Variants in ARHGAP28 observed in about 807,000 individuals in gnomAD.
ARHGAP28 encodes the protein rho GTPase-activating protein 28.
In ARHGAP28, 56 loss-of-function variants were observed where a neutral mutation model predicts 90.7. The ratio of observed to expected loss-of-function variants is 0.62; its 90% CI spans 0.50 to 0.77. The LOEUF is 0.77. ARHGAP28 is among the 30% of genes least tolerant of loss of function. The pLI, the probability that ARHGAP28 is intolerant of heterozygous loss-of-function variation, is 0.00. For missense variants in ARHGAP28, 869 were observed against 900.9 expected (o/e 0.96, Z 0.45); for synonymous variants, 308 against 323.3 (o/e 0.95, Z 0.51).
At chr18:6,850,967 G>A (rs1567970030) in intron 3 of ARHGAP28, 67 bp from the exon 4 acceptor site, 2 of 1,592,126 alleles carry the variant, frequency 1.3e-6, no homozygotes, top group Non-Finnish European at 1.7e-6. Context: ...TGTAATGCAT[G>A]TGTGAATACG....
At chr18:6,756,986 C>G (rs1436368437) in intron 1 of ARHGAP28, among the ~76,000 whole-genome samples, 1 of 152,122 alleles carries the variant, frequency 6.6e-6, no homozygotes, top group Non-Finnish European at 1.5e-5. Flanking sequence ...TCCACTGACT[C>G]AAATCTTAAT....
intron 1 of ARHGAP28, among the ~76,000 whole-genome samples, chr18:6,807,571 A>G (rs1026346716): frequency 2.0e-5 from 3 of 152,184 alleles, no homozygotes; most frequent in African/African-American, 7.2e-5. Flanking sequence ...TCTTCTGAAT[A>G]CTCTATCCAT....
chr18:6,809,769 G>C (rs1236646213), intron 1 of ARHGAP28, among the ~76,000 whole-genome samples: 1 of 152,148 alleles, frequency 6.6e-6, no homozygotes, highest in African/African-American at 2.4e-5. Flanking sequence ...CAACATTGGG[G>C]ATTACAATCC....
At position 6,773,862 on chromosome 18, in the gene ARHGAP28, T is replaced by A. The variant is rs938904923; in HGVS notation, c.122+43919T>A. 5.3e-5 allele frequency: 8 copies of A among 152,310 alleles called. 2 individuals carry two copies. The highest frequency in any genetic ancestry group is 1.9e-4 in the East Asian group (1 of 5,176). 9.4% of individuals were successfully genotyped at this position (152,310 alleles called of 1,614,324 possible). A position where few individuals can be genotyped will look rare whatever the true frequency, so the allele number is the denominator to read the frequency against. ...CACACTGCTTGGGTTTCTATTAATC[T>A]CAGCCTTCTTGAGGCTGATTACACT... On this transcript the variant is annotated intron_variant, in intron 1 of 17. Coordinates refer to ENST00000383472, the MANE Select transcript of ARHGAP28 (RefSeq NM_001366230.1).
At chr18:6,735,221 G>T (rs1255331540) in intron 1 of ARHGAP28, among the ~76,000 whole-genome samples, 1 of 152,294 alleles carries the variant, frequency 6.6e-6, no homozygotes, top group Middle Eastern at 3.4e-3. Flanking sequence ...CTGCTTCTGC[G>T]TAACCTTTAC....
intron 5 of ARHGAP28, 49 bp from the exon 6 acceptor site, chr18:6,868,101 A>T: frequency 6.9e-7 from 1 of 1,443,308 alleles, no homozygotes; most frequent in Non-Finnish European, 9.8e-7. Flanking sequence ...TGTGAGGTGG[A>T]CTGTATTTAT....
At chr18:6,853,267 A>G (rs1476455835) in intron 4 of ARHGAP28, among the ~76,000 whole-genome samples, 1 of 152,114 alleles carries the variant, frequency 6.6e-6, no homozygotes, top group Non-Finnish European at 1.5e-5. Context: ...TCAGGCCACG[A>G]TGGAAGAGGG....
chr18:6,799,287 G>A lies in ARHGAP28; in HGVS notation c.123-25475G>A, dbSNP rs147257814. Among the ~76,000 whole-genome samples, 1,153 of 151,548 alleles carry A rather than the reference G, an allele frequency of 7.6e-3. 10 individuals are homozygous for A. The highest frequency in any genetic ancestry group is 0.014 in the Non-Finnish European group (924 of 67,928). ...CCATGCTCTTAGATAGGAAGAATCA[G>A]TATTGTGAAAATGGCCATACTACCC... On this transcript the variant is annotated intron_variant, in intron 1 of 17. Coordinates refer to ENST00000383472, the MANE Select transcript of ARHGAP28 (RefSeq NM_001366230.1).
At chr18:6,845,024 C>T (rs1040172914) in intron 3 of ARHGAP28, among the ~76,000 whole-genome samples, 1 of 152,162 alleles carries the variant, frequency 6.6e-6, no homozygotes, top group Admixed American at 6.5e-5. Flanking sequence ...AGCTACCCTC[C>T]ATGTATCCTT....
intron 1 of ARHGAP28, among the ~76,000 whole-genome samples, chr18:6,821,287 A>G (rs867453421): frequency 1.3e-5 from 2 of 152,232 alleles, no homozygotes; most frequent in Non-Finnish European, 2.9e-5. Flanking sequence ...GCCACTTTGA[A>G]TTTATGATAA....
At chr18:6,909,075 A>G in intron 17 of ARHGAP28, 51 bp downstream of exon 17, 1 of 1,020,270 alleles carries the variant, frequency 9.8e-7, no homozygotes, top group African/African-American at 1.6e-5. Flanking sequence ...TTACTCTAAA[A>G]GAAATATGTT....
chr18:6,828,395 G>A (rs1240232618), intron 2 of ARHGAP28, among the ~76,000 whole-genome samples: 2 of 149,554 alleles, frequency 1.3e-5, no homozygotes, highest in African/African-American at 2.6e-5. Flanking sequence ...GAGGAGAGAG[G>A]AGAGAGGAGA....
intron 1 of ARHGAP28, among the ~76,000 whole-genome samples, chr18:6,792,689 G>T (rs1267187689): frequency 6.6e-6 from 1 of 152,150 alleles, no homozygotes; most frequent in Non-Finnish European, 1.5e-5. Context: ...GCAAGAAATC[G>T]GGGAAAATAA....
At chr18:6,734,428 G>T (rs2143122772) in intron 1 of ARHGAP28, among the ~76,000 whole-genome samples, 1 of 152,022 alleles carries the variant, frequency 6.6e-6, no homozygotes, top group East Asian at 1.9e-4. Flanking sequence ...AATAGAGGAG[G>T]GAAACAGCCA....
Position 6,776,098 on chromosome 18 carries a change from C to G in ARHGAP28, c.122+46155C>G, listed in dbSNP as rs111489535. On this transcript the variant is annotated intron_variant, in intron 1 of 17. Coordinates refer to ENST00000383472, the MANE Select transcript of ARHGAP28 (RefSeq NM_001366230.1). ...ACACAGTAATACAAGGTTCTAAAGA[C>G]GAGTTTCTGGCTGAAATTTTAGGAA... 1.6e-4 allele frequency among the ~76,000 whole-genome samples: 25 copies of G among 152,204 alleles called. 1 individual carries two copies. The South Asian group carries it at 5.0e-3, about 30-fold the overall frequency.
intron 1 of ARHGAP28, among the ~76,000 whole-genome samples, chr18:6,732,306 C>T (rs940530694): frequency 1.3e-5 from 2 of 152,146 alleles, no homozygotes; most frequent in African/African-American, 2.4e-5. Context: ...CAACCTCAAC[C>T]TGTTTGCACC....
intron 7 of ARHGAP28, among the ~76,000 whole-genome samples, chr18:6,872,602 C>G (rs1198828632): frequency 6.6e-6 from 1 of 151,612 alleles, no homozygotes; most frequent in Admixed American, 6.6e-5. Flanking sequence ...TTTTTCAATA[C>G]CACTCTTTCT....
At chr18:6,805,756 A>AT (rs2143654177) in intron 1 of ARHGAP28, among the ~76,000 whole-genome samples, 1 of 152,046 alleles carries the variant, frequency 6.6e-6, no homozygotes, top group African/African-American at 2.4e-5. Context: ...AAGTGCTGGG[A>AT]TTACTGGCAT....
At chr18:6,907,684 T>C (rs1253121566) in intron 16 of ARHGAP28, among the ~76,000 whole-genome samples, 3 of 152,118 alleles carry the variant, frequency 2.0e-5, no homozygotes, top group African/African-American at 7.2e-5. Flanking sequence ...TGAATGTGGC[T>C]ATAAAGAGGC....
Sources: allele counts gnomAD v4.1 joint callset (sites outside exome capture counted in the v4.1 genomes callset), GRCh38; gene constraint gnomAD v4.1.1; transcripts MANE v1.5; gene names NCBI Gene and HGNC (gene_info 2026-07-23, HGNC 2026-07-21).